Variants in RGS22 observed in about 807,000 individuals in gnomAD.
RGS22 encodes the protein regulator of G-protein signaling 22.
In RGS22, 148 loss-of-function variants were observed where a neutral mutation model predicts 172.9. That is an observed-to-expected ratio of 0.86 (90% CI 0.75 to 0.98). RGS22 has a LOEUF of 0.98. Among genes scored for constraint, RGS22 ranks in the 50% least tolerant of loss-of-function variants. The pLI is 0.00. For missense variants in RGS22, 1,347 were observed against 1,440.8 expected (o/e 0.93, Z 1.05); for synonymous variants, 458 against 480.2 (o/e 0.95, Z 0.60).
chr8:100,029,154 A>T (rs1166021208), intron 14 of RGS22, among the ~76,000 whole-genome samples: 1 of 152,142 alleles, frequency 6.6e-6, no homozygotes, highest in Non-Finnish European at 1.5e-5. Context: ...TAGAAAATGA[A>T]TATTGCTAAC....
intron 6 of RGS22, among the ~76,000 whole-genome samples, chr8:100,069,734 G>A (rs1810804882): frequency 6.6e-6 from 1 of 152,122 alleles, no homozygotes; most frequent in Non-Finnish European, 1.5e-5. Flanking sequence ...GACACAGCAT[G>A]TTCTTCAACC....
intron 14 of RGS22, among the ~76,000 whole-genome samples, chr8:100,033,556 C>T (rs1819087903): frequency 6.8e-6 from 1 of 147,466 alleles, no homozygotes; most frequent in African/African-American, 2.5e-5. Flanking sequence ...AAAAAAAAGT[C>T]CAGGACCAGA....
intron 14 of RGS22, among the ~76,000 whole-genome samples, chr8:100,014,298 CT>C (rs559047470): frequency 1.3e-5 from 2 of 152,188 alleles, no homozygotes; most frequent in South Asian, 4.1e-4. Context: ...CCATTTCCTT[CT>C]TTATGCTACA....
intron 14 of RGS22, among the ~76,000 whole-genome samples, chr8:100,011,010 G>A (rs1457667705): frequency 6.6e-6 from 1 of 151,686 alleles, no homozygotes; most frequent in Non-Finnish European, 1.5e-5. Context: ...CACAATAGAG[G>A]AGGGTTGATG....
rs1289971787 is a variant in RGS22 at position 100,063,851 on chromosome 8, G to C, written c.917C>G (p.Thr306Arg). Residue 306 changes from threonine (T) to arginine (R), a missense_variant, in exon 8 of 28, where the codon ACA becomes AGA. Physicochemically the swap from Thr to Arg is moderately conservative, Grantham distance 71. Coordinates refer to ENST00000360863, the MANE Select transcript of RGS22 (RefSeq NM_015668.5). ...EKKQDVDESL[T>R]MHFSTCEEFL... ...TTCTTCACATGTTGAGAAATGCATTGTCAGGCTTTCATCAACATCCTGTTT... is the reference window on the plus strand; with the variant it reads ...TTCTTCACATGTTGAGAAATGCATTCTCAGGCTTTCATCAACATCCTGTTT... 1.2e-6 allele frequency: 2 copies of C among 1,611,402 alleles called. No homozygotes were observed. Among genetic ancestry groups the C allele is most frequent in the African/African-American group, 2.7e-5 (2 of 74,714 alleles).
chr8:100,026,245 A>G (rs547620698), intron 14 of RGS22, among the ~76,000 whole-genome samples: 4 of 152,250 alleles, frequency 2.6e-5, no homozygotes, highest in Non-Finnish European at 5.9e-5. Context: ...ATTTGGATCT[A>G]CACTGTGTCT....
At chr8:99,966,785 C>T (rs781760594) in intron 23 of RGS22, among the ~76,000 whole-genome samples, 1 of 152,164 alleles carries the variant, frequency 6.6e-6, no homozygotes, top group Admixed American at 6.5e-5. Flanking sequence ...TCCATACCAA[C>T]TACTTTTCAT....
chr8:100,007,675 T>C (rs1479506330), intron 15 of RGS22, among the ~76,000 whole-genome samples: 2 of 152,096 alleles, frequency 1.3e-5, no homozygotes, highest in South Asian at 4.2e-4. Flanking sequence ...TATTTACTTA[T>C]TCACAGGAAA....
In RGS22 at chr8:100,041,936, A is replaced by G; in HGVS notation, c.1824-20T>C. The G allele has an allele frequency of 6.7e-7, 1 of 1,490,654 alleles. No individual in the cohort carries two copies. 92.3% of individuals were successfully genotyped at this position (1,490,654 alleles called of 1,614,324 possible). On this transcript the variant is annotated intron_variant, in intron 11 of 27. Coordinates refer to ENST00000360863, the MANE Select transcript of RGS22 (RefSeq NM_015668.5). ...TTTGACCTAAATTATAAGGATGAGA[A>G]CTAAAATTATAAGAATGAGAACTAA...
At chr8:100,074,732 T>A (rs887493827) in intron 4 of RGS22, among the ~76,000 whole-genome samples, 1 of 152,098 alleles carries the variant, frequency 6.6e-6, no homozygotes, top group Admixed American at 6.6e-5. Flanking sequence ...GACGTTTACA[T>A]GCAGGGTTTC....
intron 14 of RGS22, among the ~76,000 whole-genome samples, chr8:100,009,913 C>A (rs1816188101): frequency 6.6e-6 from 1 of 152,080 alleles, no homozygotes; most frequent in South Asian, 2.1e-4. Flanking sequence ...TCTGAAGAAG[C>A]CAATTTGGTG....
chr8:99,981,987 T>C lies in RGS22; in HGVS notation c.3310A>G (p.Ile1104Val). 6.2e-7 allele frequency: 1 copy of C among 1,614,082 alleles called. No homozygotes were observed. Among genetic ancestry groups the C allele is most frequent in the Non-Finnish European group, 8.5e-7 (1 of 1,179,968 alleles). The change falls in exon 22 of 28, where the codon ATT becomes GTT. Residue 1104 changes from isoleucine to valine, a missense_variant. Coordinates refer to ENST00000360863, the MANE Select transcript of RGS22 (RefSeq NM_015668.5). ...IDIPVEQAQK[I>V]IEHRKELGPY... ...CCTAACTCCTTCCGGTGTTCAATAA[T>C]CTTCTGGGCTTGCTCTACTGGAATG...
chr8:100,006,683 G>T (rs1452307403), intron 15 of RGS22, among the ~76,000 whole-genome samples: 1 of 152,150 alleles, frequency 6.6e-6, no homozygotes, highest in East Asian at 1.9e-4. Context: ...AGCTGCCTGA[G>T]AACTTTCTTT....
chr8:100,038,957 G>A lies in RGS22; in HGVS notation c.2140C>T (p.Pro714Ser), dbSNP rs370309407. ...HQLFYQETLQ[P>S]FKVCKQAQYL... ...TGCGCTTGCTTGCATACTTTAAAAG[G>A]CTGAAGTGTTTCTTGGTAGAAAAGC... The change falls in exon 14 of 28, where the codon CCT becomes TCT. Residue 714 changes from proline (P) to serine (S), a missense_variant. By Grantham distance (74) the Pro-to-Ser change is moderately conservative (BLOSUM62 -1). Coordinates refer to ENST00000360863, the MANE Select transcript of RGS22 (RefSeq NM_015668.5). 1.6e-5 allele frequency: 25 copies of A among 1,611,282 alleles called. No individual in the cohort carries two copies. Among genetic ancestry groups the A allele is most frequent in the Middle Eastern group, 3.3e-4 (2 of 6,076 alleles).
intron 10 of RGS22, among the ~76,000 whole-genome samples, chr8:100,048,179 CAACT>C (rs1437552321): frequency 1.3e-5 from 2 of 151,578 alleles, no homozygotes; most frequent in Non-Finnish European, 2.9e-5. Flanking sequence ...AAAGTATAAA[CAACT>C]AAATGTCCAA....
At chr8:99,989,560 T>C (rs1422706630) in intron 20 of RGS22, among the ~76,000 whole-genome samples, 2 of 152,284 alleles carry the variant, frequency 1.3e-5, no homozygotes, top group East Asian at 1.9e-4. Flanking sequence ...GAAGGGATAA[T>C]GTGCCAGGTG....
At chr8:100,094,858 G>T (rs1206691179) in intron 2 of RGS22, among the ~76,000 whole-genome samples, 3 of 152,156 alleles carry the variant, frequency 2.0e-5, no homozygotes, top group Admixed American at 2.0e-4. Context: ...TGGGTAGAAG[G>T]CATTGTGCTA....
intron 14 of RGS22, among the ~76,000 whole-genome samples, chr8:100,012,626 C>CAG (rs151165038): frequency 1.3e-4 from 20 of 150,326 alleles, no homozygotes; most frequent in African/African-American, 1.9e-4. Flanking sequence ...AAGAAAGAAA[C>CAG]AGAGAGAGAG....
chr8:100,014,676 T>C (rs1816763547), intron 14 of RGS22, among the ~76,000 whole-genome samples: 1 of 152,296 alleles, frequency 6.6e-6, no homozygotes, highest in South Asian at 2.1e-4. Flanking sequence ...TTTTCCTCCA[T>C]TCCTCCCTTA....
Sources: gnomAD v4.1 joint callset for allele counts (sites outside exome capture counted in the v4.1 genomes callset) on GRCh38, gnomAD v4.1.1 for gene constraint, MANE v1.5 for transcripts, NCBI Gene and HGNC (gene_info 2026-07-23, HGNC 2026-07-21) for gene names.